ITGA9: variants seen among roughly 807,000 people sequenced by gnomAD.
ITGA9 encodes integrin subunit alpha 9, also known as integrin alpha-9.
Under a neutral mutation model 127.8 loss-of-function variants are expected in ITGA9, and 56 were observed. The observed-to-expected ratio is 0.44, with a 90% CI of 0.35 to 0.55. ITGA9 has a LOEUF of 0.55. ITGA9 is among the 20% of genes least tolerant of loss of function. The pLI is 0.00. For missense variants in ITGA9, 1,196 were observed against 1,347.1 expected (o/e 0.89, Z 1.76); for synonymous variants, 508 against 514.5 (o/e 0.99, Z 0.17).
At chr3:37,652,495 T>A (rs138375940) in intron 16 of ITGA9, among the ~76,000 whole-genome samples, 134 of 152,304 alleles carry the variant, frequency 8.8e-4, no homozygotes, top group Middle Eastern at 3.4e-3. Context: ...AAGGGAGTGT[T>A]GGCTGGGACA....
intron 18 of ITGA9, among the ~76,000 whole-genome samples, chr3:37,726,898 G>A (rs1696213193): frequency 6.6e-6 from 1 of 152,204 alleles, no homozygotes; most frequent in Non-Finnish European, 1.5e-5. Flanking sequence ...AGAGTAATGT[G>A]CAGATGCTCC....
rs578043238 is a variant in ITGA9, at chr3:37,585,525, C to T, written c.1689+42940C>T. 73 of 474,256 alleles carry T rather than the reference C, an allele frequency of 1.5e-4. 1 individual carries two copies. Among genetic ancestry groups the T allele is most frequent in the South Asian group, 5.4e-4 (36 of 66,614 alleles). 29.4% of individuals were successfully genotyped at this position (474,256 alleles called of 1,614,324 possible). On this transcript the variant is annotated intron_variant, in intron 15 of 27. Coordinates refer to ENST00000264741, the MANE Select transcript of ITGA9 (RefSeq NM_002207.3). ...CTTCTTTGGGATTTCTTAGCATGCC[C>T]GTTGGGACAATTAGGGAGGGATTCT...
Position 37,814,394 on chromosome 3 carries a change from C to T in ITGA9, c.3010-4497C>T, listed in dbSNP as rs1697404723. Among the ~76,000 whole-genome samples the T allele has an allele frequency of 6.6e-6, 1 of 152,150 alleles. No homozygotes were observed. Among genetic ancestry groups the T allele is most frequent in the Non-Finnish European group, 1.5e-5 (1 of 68,032 alleles). On this transcript the variant is annotated intron_variant, in intron 27 of 27. Transcript: ENST00000264741. The surrounding 1 kb of genome is among the most constrained non-coding windows in gnomAD (Gnocchi z 4.3). ...CAGCCTGGCCAACATGGTGAAACCC[C>T]ATCTCTACCAAAATATAAAAATTAG...
chr3:37,731,911 A>G (rs1575212187), intron 18 of ITGA9, among the ~76,000 whole-genome samples: 1 of 152,366 alleles, frequency 6.6e-6, no homozygotes, highest in East Asian at 1.9e-4. Context: ...ATGCCTTGAA[A>G]TGTTAGTCTG....
chr3:37,543,195 A>G (rs570638296), intron 15 of ITGA9, among the ~76,000 whole-genome samples: 1 of 152,324 alleles, frequency 6.6e-6, no homozygotes, highest in African/African-American at 2.4e-5. Context: ...TTAGCTACAG[A>G]GTGGCCCTTG....
At chr3:37,786,991 G>T (rs1273864605) in intron 26 of ITGA9, among the ~76,000 whole-genome samples, 2 of 152,184 alleles carry the variant, frequency 1.3e-5, no homozygotes, top group African/African-American at 4.8e-5. Flanking sequence ...GAATGATGCT[G>T]GGTCATTTAC....
At chr3:37,741,512 G>T (rs78125895) in intron 20 of ITGA9, among the ~76,000 whole-genome samples, 102 of 152,224 alleles carry the variant, frequency 6.7e-4, no homozygotes, top group African/African-American at 2.4e-3. Context: ...GCCACCTCTC[G>T]AATAAACTAC....
chr3:37,639,207 A>G (rs1175611657), intron 16 of ITGA9, among the ~76,000 whole-genome samples: 4 of 152,306 alleles, frequency 2.6e-5, no homozygotes, highest in South Asian at 2.1e-4. Context: ...CCTTTTTTTC[A>G]TTAACCAGAG....
chr3:37,578,031 G>C (rs1322303658), intron 15 of ITGA9, among the ~76,000 whole-genome samples: 1 of 152,158 alleles, frequency 6.6e-6, no homozygotes. Context: ...TTAATCTCAA[G>C]CCCAAACATG....
At chr3:37,458,754 G>A (rs978394407) in intron 1 of ITGA9, among the ~76,000 whole-genome samples, 9 of 152,190 alleles carry the variant, frequency 5.9e-5, no homozygotes, top group South Asian at 2.1e-4. Context: ...TGTGTGGAGC[G>A]TCAGGACTGA....
intron 23 of ITGA9, among the ~76,000 whole-genome samples, chr3:37,776,509 AATT>A (rs1418178964): frequency 1.3e-5 from 2 of 152,220 alleles, no homozygotes; most frequent in African/African-American, 4.8e-5. Flanking sequence ...ATGAATTACT[AATT>A]ATTAATTTTC....
rs72855881 is a variant in ITGA9, at chr3:37,554,665, C to T, written c.1689+12080C>T. On this transcript the variant is annotated intron_variant, in intron 15 of 27. Transcript: ENST00000264741. ...TAGTGGTAACATTGTGAGAAGTGGT[C>T]AAATTCTGCGTGCATTTTGAAGGGG... 5.4e-3 allele frequency among the ~76,000 whole-genome samples: 821 copies of T among 152,120 alleles called. 9 individuals carry two copies. The highest frequency in any genetic ancestry group is 0.019 in the African/African-American group (781 of 41,478).
chr3:37,683,803 G>T, intron 17 of ITGA9, 62 bp from the exon 18 acceptor site: 1 of 1,564,360 alleles, frequency 6.4e-7, no homozygotes, highest in Non-Finnish European at 8.8e-7. Context: ...ACTACCCCCT[G>T]TGCCTCATGT....
intron 18 of ITGA9, among the ~76,000 whole-genome samples, chr3:37,716,126 A>T (rs1701132542): frequency 6.6e-6 from 1 of 152,142 alleles, no homozygotes; most frequent in African/African-American, 2.4e-5. Context: ...CCCCAAGGGG[A>T]TGTGAATTCT....
chr3:37,776,695 T>C (rs1696912343), intron 23 of ITGA9, among the ~76,000 whole-genome samples: 1 of 152,254 alleles, frequency 6.6e-6, no homozygotes, highest in Admixed American at 6.5e-5. Flanking sequence ...CTGATGTTGC[T>C]GTCACTCAGC....
chr3:37,547,865 A>G (rs1400657611), intron 15 of ITGA9, among the ~76,000 whole-genome samples: 1 of 152,202 alleles, frequency 6.6e-6, no homozygotes, highest in Non-Finnish European at 1.5e-5. Flanking sequence ...CAAAGAAAGG[A>G]TGTCTTTCAG....
At chr3:37,722,938 T>C (rs1440980052) in intron 18 of ITGA9, among the ~76,000 whole-genome samples, 1 of 152,230 alleles carries the variant, frequency 6.6e-6, no homozygotes, top group African/African-American at 2.4e-5. Flanking sequence ...CCATCAGTAG[T>C]ATGTAATGGT....
At position 37,616,832 on chromosome 3, in the gene ITGA9, T is replaced by A. The variant is rs576027004; in HGVS notation, c.1690-12355T>A. Among the ~76,000 whole-genome samples the A allele has an allele frequency of 6.6e-5, 10 of 152,354 alleles. No homozygotes were observed. In the South Asian group the frequency reaches 2.1e-3, roughly 32 times the overall value. ...CGTTTGCTTGGTAGATCTTCCTCCA[T>A]CCCTTTATTTTGAGCCTATGTGTGT... On this transcript the variant is annotated intron_variant, in intron 15 of 27. Transcript: ENST00000264741.
intron 15 of ITGA9, among the ~76,000 whole-genome samples, chr3:37,569,366 A>G (rs1699579271): frequency 1.3e-5 from 2 of 152,210 alleles, no homozygotes. Flanking sequence ...ACAATTCAAG[A>G]TGAGATTTGG....
Sources: gnomAD v4.1 joint callset for allele counts (sites outside exome capture counted in the v4.1 genomes callset) on GRCh38, gnomAD v4.1.1 for gene constraint, Gnocchi (gnomAD v3.1) non-coding constraint, MANE v1.5 for transcripts, NCBI Gene and HGNC (gene_info 2026-07-23, HGNC 2026-07-21) for gene names.